LMX1A: variants seen among roughly 807,000 people sequenced by gnomAD.
The protein encoded by LMX1A is LIM homeobox transcription factor 1-alpha.
Under a neutral mutation model 49.1 loss-of-function variants are expected in LMX1A, and 15 were observed. That is an observed-to-expected ratio of 0.31 (90% CI 0.20 to 0.47). The LOEUF (loss-of-function observed/expected upper bound fraction) is 0.47. Among genes scored for constraint, LMX1A ranks in the 20% least tolerant of loss-of-function variants. The probability of loss-of-function intolerance (pLI) is 1.00; values close to 1 mark genes in which losing one functional copy is unlikely to be tolerated. For synonymous variants in LMX1A, 167 were observed against 185.7 expected, an observed-to-expected ratio of 0.90 and a Z score of 0.82; for missense variants, 372 against 475.8, an observed-to-expected ratio of 0.78 and a Z score of 2.03.
At chr1:165,267,798 C>G (rs754717263) in intron 3 of LMX1A, among the ~76,000 whole-genome samples, 1 of 152,156 alleles carries the variant, frequency 6.6e-6, no homozygotes, top group Non-Finnish European at 1.5e-5. Context: ...TGACTGAGCA[C>G]TGGCAGTGGA....
intron 8 of LMX1A, among the ~76,000 whole-genome samples, chr1:165,204,428 C>G (rs908673548): frequency 6.6e-6 from 1 of 152,178 alleles, no homozygotes; most frequent in African/African-American, 2.4e-5. Context: ...AAAGAAAGCT[C>G]TTTGAGTGAA....
intron 4 of LMX1A, among the ~76,000 whole-genome samples, chr1:165,234,134 C>T (rs1044606206): frequency 9.2e-5 from 14 of 152,160 alleles, no homozygotes; most frequent in Admixed American, 7.9e-4. Flanking sequence ...CACATTTTGG[C>T]GTTAATCTTA....
At chr1:165,340,614 G>C (rs6701918) in intron 3 of LMX1A, among the ~76,000 whole-genome samples, 139,613 of 152,214 alleles carry the variant, frequency 0.92, 64,079 homozygotes, top group Middle Eastern at 0.95. Flanking sequence ...CCCCTCTTCT[G>C]ATATTTATAT....
intron 3 of LMX1A, among the ~76,000 whole-genome samples, chr1:165,252,594 T>TACTTTCAAAAAC (rs1325688020): frequency 6.6e-6 from 1 of 152,154 alleles, no homozygotes; most frequent in African/African-American, 2.4e-5. Flanking sequence ...GAGGCAAAAA[T>TACTTTCAAAAAC]ACTTTCAAAA....
chr1:165,348,714 C>T (rs1330025028), intron 3 of LMX1A, among the ~76,000 whole-genome samples: 1 of 152,126 alleles, frequency 6.6e-6, no homozygotes, highest in African/African-American at 2.4e-5. Context: ...TAAAACCAAA[C>T]TGACTCCTCC....
chr1:165,266,818 G>C (rs1379716498), intron 3 of LMX1A, among the ~76,000 whole-genome samples: 1 of 151,890 alleles, frequency 6.6e-6, no homozygotes, highest in Non-Finnish European at 1.5e-5. Context: ...AGCCAGGGTG[G>C]TCTCGATCTC....
intron 4 of LMX1A, among the ~76,000 whole-genome samples, chr1:165,237,021 A>G (rs1652475394): frequency 6.6e-6 from 1 of 152,204 alleles, no homozygotes; most frequent in Non-Finnish European, 1.5e-5. Context: ...CACCTACAAT[A>G]GGACTGCTAC....
chr1:165,345,810 C>T (rs1656226357), intron 3 of LMX1A, among the ~76,000 whole-genome samples: 1 of 152,224 alleles, frequency 6.6e-6, no homozygotes, highest in Admixed American at 6.5e-5. Flanking sequence ...GGGAGGATCG[C>T]TTTGAGGCCA....
intron 4 of LMX1A, among the ~76,000 whole-genome samples, chr1:165,241,999 A>G (rs763431478): frequency 1.3e-5 from 2 of 152,250 alleles, no homozygotes; most frequent in Non-Finnish European, 2.9e-5. Context: ...CACAGACTCC[A>G]GCAGATGTGA....
chr1:165,288,223 G>A (rs747358209), intron 3 of LMX1A, among the ~76,000 whole-genome samples: 1 of 152,170 alleles, frequency 6.6e-6, no homozygotes, highest in African/African-American at 2.4e-5. Flanking sequence ...GGATGAGGAA[G>A]TGACAAGCAG....
chr1:165,228,586 C>T (rs1199994963), intron 4 of LMX1A, among the ~76,000 whole-genome samples: 1 of 152,186 alleles, frequency 6.6e-6, no homozygotes, highest in African/African-American at 2.4e-5. Context: ...CACCTCCATG[C>T]AATTGATTTC....
At chr1:165,274,355 G>T (rs1371741724) in intron 3 of LMX1A, among the ~76,000 whole-genome samples, 1 of 152,090 alleles carries the variant, frequency 6.6e-6, no homozygotes, top group East Asian at 1.9e-4. Context: ...TCACTACTTT[G>T]TGTCTCTAGA....
intron 2 of LMX1A, among the ~76,000 whole-genome samples, chr1:165,354,843 C>G (rs1467790398): frequency 2.0e-5 from 3 of 152,208 alleles, no homozygotes; most frequent in Admixed American, 6.5e-5. Context: ...CTCTGCAAGA[C>G]CCGTGTGTGG....
intron 6 of LMX1A, among the ~76,000 whole-genome samples, chr1:165,209,478 C>G (rs1215497727): frequency 6.6e-6 from 1 of 152,168 alleles, no homozygotes; most frequent in Non-Finnish European, 1.5e-5. Flanking sequence ...ACCCCCAAAC[C>G]TCTGTGGAAA....
At chr1:165,339,104 G>C (rs997788726) in intron 3 of LMX1A, among the ~76,000 whole-genome samples, 2 of 152,204 alleles carry the variant, frequency 1.3e-5, no homozygotes, top group African/African-American at 4.8e-5. Flanking sequence ...AGCCAAAGCA[G>C]AGGCAAAGAC....
intron 3 of LMX1A, among the ~76,000 whole-genome samples, chr1:165,337,719 C>A (rs1655937353): frequency 6.6e-6 from 1 of 152,120 alleles, no homozygotes; most frequent in East Asian, 1.9e-4. Context: ...CCTCTTGGTG[C>A]CCCTGAGTCT....
chr1:165,313,328 C>T (rs1169819343), intron 3 of LMX1A, among the ~76,000 whole-genome samples: 1 of 152,192 alleles, frequency 6.6e-6, no homozygotes, highest in East Asian at 1.9e-4. Flanking sequence ...CATAGAAACA[C>T]ATATCCTAAA....
At chr1:165,352,324 A>G (rs1656452169) in intron 3 of LMX1A, among the ~76,000 whole-genome samples, 1 of 152,228 alleles carries the variant, frequency 6.6e-6, no homozygotes, top group African/African-American at 2.4e-5. Context: ...ACAGGAGGGA[A>G]CTGAACTTGC....
In LMX1A at chr1:165,249,600, C is replaced by G; in HGVS notation, c.304G>C (p.Ala102Pro). The G allele has an allele frequency of 6.2e-7, 1 of 1,614,154 alleles. No homozygotes were observed. The highest frequency in any genetic ancestry group is 8.5e-7 in the Non-Finnish European group (1 of 1,180,022). ...VKCGGCFEAI[A>P]PNEFVMRAQK... The stretch of plus-strand genomic sequence containing the variant: ...GCCCGCATAACAAACTCATTGGGAG[C>G]GATGGCCTCGAAGCAGCCCCCACAT... Residue 102 changes from alanine (A) to proline (P), a missense_variant, in exon 4 of 9, where the codon GCT becomes CCT. Around this residue, in one of 3 missense-constraint regions of LMX1A, gnomAD observed 199 missense variants for 244.0 expected, o/e 0.82. Coordinates refer to ENST00000342310, the MANE Select transcript of LMX1A (RefSeq NM_177398.4).
Sources: gnomAD v4.1 joint callset for allele counts (sites outside exome capture counted in the v4.1 genomes callset) on GRCh38, gnomAD v4.1.1 for gene constraint, gnomAD v4.1.1 regional missense constraint, MANE v1.5 for transcripts, NCBI Gene and HGNC (gene_info 2026-07-23, HGNC 2026-07-21) for gene names.